ANO2: variants seen among roughly 807,000 people sequenced by gnomAD.
ANO2 encodes anoctamin 2.
Under a neutral mutation model 124.2 loss-of-function variants are expected in ANO2, and 101 were observed. The observed-to-expected ratio is 0.81, with a 90% CI of 0.69 to 0.96. ANO2 has a LOEUF of 0.96. ANO2 is among the 40% of genes least tolerant of loss of function. The pLI, the probability that ANO2 is intolerant of heterozygous loss-of-function variation, is 0.00. For missense variants in ANO2, 1,293 were observed against 1,274.5 expected (o/e 1.01, Z -0.22); for synonymous variants, 486 against 482.5 (o/e 1.01, Z -0.09).
Position 5,647,818 on chromosome 12 carries a change from G to C in ANO2, c.1546-17C>G. On this transcript the variant is annotated splice_polypyrimidine_tract_variant and intron_variant, in intron 14 of 24. Coordinates refer to ENST00000682330, the MANE Select transcript of ANO2 (RefSeq NM_001364791.2). The stretch of plus-strand genomic sequence containing the variant: ...TTCATCATCCTGGGGAGAAACGGGA[G>C]AGTAGAGACAATCAGGAGGCACAAA... 6.3e-7 allele frequency: 1 copy of C among 1,593,344 alleles called. No homozygotes were observed. Among genetic ancestry groups the C allele is most frequent in the Non-Finnish European group, 8.6e-7 (1 of 1,165,440 alleles).
intron 14 of ANO2, among the ~76,000 whole-genome samples, chr12:5,727,695 T>G: frequency 6.9e-6 from 1 of 144,774 alleles, no homozygotes. Flanking sequence ...TGGAGTGCAG[T>G]GGCGCAGTCT....
chr12:5,647,330 C>T (rs1946690758), intron 15 of ANO2, among the ~76,000 whole-genome samples: 2 of 152,216 alleles, frequency 1.3e-5, no homozygotes, highest in African/African-American at 4.8e-5. Context: ...AACCCAGCAA[C>T]TACAGGAAAG....
chr12:5,770,567 C>A (rs1314369542), intron 10 of ANO2, among the ~76,000 whole-genome samples: 1 of 152,144 alleles, frequency 6.6e-6, no homozygotes, highest in Non-Finnish European at 1.5e-5. Context: ...ATAGACGCTA[C>A]TTTCAAAAAT....
chr12:5,907,134 C>T (rs1012096767), intron 3 of ANO2, among the ~76,000 whole-genome samples: 17 of 152,182 alleles, frequency 1.1e-4, no homozygotes, highest in Non-Finnish European at 2.1e-4. Context: ...GCCCCGGTCT[C>T]GGATCTCCTG....
At chr12:5,731,514 A>G (rs1034711217) in intron 14 of ANO2, among the ~76,000 whole-genome samples, 1 of 152,210 alleles carries the variant, frequency 6.6e-6, no homozygotes, top group African/African-American at 2.4e-5. Flanking sequence ...TGGAGAAAAG[A>G]CACATCTAAA....
At chr12:5,765,390 T>G (rs1951860597) in intron 10 of ANO2, among the ~76,000 whole-genome samples, 1 of 152,180 alleles carries the variant, frequency 6.6e-6, no homozygotes, top group South Asian at 2.1e-4. Flanking sequence ...CTAAGAAAAG[T>G]TAGAAATCTT....
At position 5,615,411 on chromosome 12, in the gene ANO2, C is replaced by T. The variant is rs569749134; in HGVS notation, c.1817-114G>A. The T allele has an allele frequency of 3.8e-4, 275 of 729,164 alleles. 2 individuals are homozygous for T. The highest frequency in any genetic ancestry group is 3.5e-3 in the Middle Eastern group (10 of 2,896). The allele number at this position is 729,164 out of a possible 1,614,324, so 45.2% of individuals were successfully genotyped here. On this transcript the variant is annotated intron_variant, in intron 16 of 24. Transcript: ENST00000682330. ...GCTGACTCCTTCACAGCAAAAATCA[C>T]GAGACCCATCTCTCTGGCACATTAG...
At chr12:5,589,697 G>A (rs1172870977) in intron 20 of ANO2, among the ~76,000 whole-genome samples, 3 of 152,274 alleles carry the variant, frequency 2.0e-5, no homozygotes, top group East Asian at 3.9e-4. Flanking sequence ...TGTGGGGCAG[G>A]GGGAAGGGGG....
rs149005187 is a variant in ANO2, at chr12:5,700,536, G to A, written c.1545+31984C>T. Among the ~76,000 whole-genome samples, 1,234 of 152,154 alleles carry A rather than the reference G, an allele frequency of 8.1e-3. 44 individuals carry two copies. Among genetic ancestry groups the A allele is most frequent in the Admixed American group, 0.059 (898 of 15,272 alleles). On this transcript the variant is annotated intron_variant, in intron 14 of 24. Coordinates refer to ENST00000682330, the MANE Select transcript of ANO2 (RefSeq NM_001364791.2). Reference sequence around the variant, plus strand: ...TAACATCACAATTAAAAGAACTAGAGAAGCAAGAGCAAACAAATTCAAAAG... The same window carrying A: ...TAACATCACAATTAAAAGAACTAGAAAAGCAAGAGCAAACAAATTCAAAAG...
At chr12:5,817,190 T>C (rs1157867710) in intron 7 of ANO2, among the ~76,000 whole-genome samples, 1 of 152,188 alleles carries the variant, frequency 6.6e-6, no homozygotes, top group Non-Finnish European at 1.5e-5. Flanking sequence ...CTTTCCAGTT[T>C]ACAAAACAAG....
intron 9 of ANO2, among the ~76,000 whole-genome samples, chr12:5,804,043 T>C (rs1953121833): frequency 6.6e-6 from 1 of 152,178 alleles, no homozygotes; most frequent in African/African-American, 2.4e-5. Context: ...GAGGCCACCC[T>C]ACACTGCGGC....
intron 14 of ANO2, among the ~76,000 whole-genome samples, chr12:5,665,163 G>A (rs10849314): frequency 0.59 from 89,793 of 150,916 alleles, 27,954 homozygotes; most frequent in East Asian, 0.96. Context: ...AAAGCGCAGA[G>A]GGTGCAGGGG....
At chr12:5,751,355 C>T (rs180705101) in intron 10 of ANO2, among the ~76,000 whole-genome samples, 17 of 152,282 alleles carry the variant, frequency 1.1e-4, no homozygotes, top group Admixed American at 1.0e-3. Context: ...GAAAACACAC[C>T]TTTTTGGAAC....
At position 5,915,348 on chromosome 12, in the gene ANO2, A is replaced by G. The variant is rs547353850; in HGVS notation, c.534+5692T>C. Among the ~76,000 whole-genome samples the G allele has an allele frequency of 9.2e-5, 14 of 152,228 alleles. 1 individual carries two copies. The highest frequency in any genetic ancestry group is 6.5e-4 in the Admixed American group (10 of 15,290). ...GAACATGGACAATATCAATACATGG[A>G]AATATGCACAAAAAATGAAAAAGTG... On this transcript the variant is annotated intron_variant, in intron 3 of 24. Coordinates refer to ENST00000682330, the MANE Select transcript of ANO2 (RefSeq NM_001364791.2).
chr12:5,757,666 T>C (rs1400971216), intron 10 of ANO2, among the ~76,000 whole-genome samples: 1 of 152,132 alleles, frequency 6.6e-6, no homozygotes, highest in Non-Finnish European at 1.5e-5. Context: ...ACAAGAGAAA[T>C]CTGGATAATC....
chr12:5,938,040 T>C (rs1942727611), intron 1 of ANO2, among the ~76,000 whole-genome samples: 1 of 152,152 alleles, frequency 6.6e-6, no homozygotes. Flanking sequence ...CTGCAGCAGC[T>C]TCTCTCTGGC....
At chr12:5,857,258 G>C (rs1246220210) in intron 3 of ANO2, among the ~76,000 whole-genome samples, 2 of 152,226 alleles carry the variant, frequency 1.3e-5, no homozygotes, top group Non-Finnish European at 2.9e-5. Flanking sequence ...TAGGGGAGTG[G>C]AAGAGCTTGG....
At chr12:5,625,797 T>C (rs1048436590) in intron 16 of ANO2, among the ~76,000 whole-genome samples, 6 of 152,100 alleles carry the variant, frequency 3.9e-5, no homozygotes, top group Non-Finnish European at 7.4e-5. Flanking sequence ...TGCTCTACAA[T>C]ATGATTCACG....
intron 4 of ANO2, among the ~76,000 whole-genome samples, chr12:5,844,022 G>A (rs756479298): frequency 2.0e-5 from 3 of 152,182 alleles, no homozygotes; most frequent in East Asian, 1.9e-4. Flanking sequence ...CTAAGAGTCC[G>A]GAAAAGGTAA....
Sources: gnomAD v4.1 joint callset for allele counts (sites outside exome capture counted in the v4.1 genomes callset) on GRCh38, gnomAD v4.1.1 for gene constraint, MANE v1.5 for transcripts, NCBI Gene and HGNC (gene_info 2026-07-23, HGNC 2026-07-21) for gene names.